DMD: variants seen among roughly 807,000 people sequenced by gnomAD.
The protein encoded by DMD is mutant dystrophin.
In DMD, 63 loss-of-function variants were observed where a neutral mutation model predicts 330.1. The observed-to-expected ratio is 0.19, with a 90% CI of 0.16 to 0.24. DMD has a LOEUF of 0.24. Among genes scored for constraint, DMD ranks in the 10% least tolerant of loss-of-function variants. The pLI is 1.00. For missense variants in DMD, 3,344 were observed against 2,684.1 expected, an observed-to-expected ratio of 1.25 and a Z score of -5.43; for synonymous variants, 1,223 against 959.8, an observed-to-expected ratio of 1.27 and a Z score of -5.07.
chrX:32,177,893 T>C (rs768875550), intron 44 of DMD, among the ~76,000 whole-genome samples: 18 of 111,116 alleles, frequency 1.6e-4, no homozygotes, highest in Non-Finnish European at 2.3e-4. Context: ...AGAGCCAGAT[T>C]ATAAATGCTT....
chrX:32,588,044 A>G (rs2054485580), intron 13 of DMD, among the ~76,000 whole-genome samples: 1 of 111,359 alleles, frequency 9.0e-6, no homozygotes, highest in African/African-American at 3.3e-5. Context: ...TAATTACCTT[A>G]CAACAAAAAG....
intron 2 of DMD, among the ~76,000 whole-genome samples, chrX:32,964,896 T>C (rs2092080459): frequency 8.9e-6 from 1 of 112,194 alleles, no homozygotes; most frequent in Non-Finnish European, 1.9e-5. Flanking sequence ...CAACACTTTC[T>C]ATACAATCAT....
intron 50 of DMD, among the ~76,000 whole-genome samples, chrX:31,818,650 C>T (rs780621481): frequency 9.1e-6 from 1 of 110,173 alleles, no homozygotes; most frequent in Non-Finnish European, 1.9e-5. Context: ...TGCATATGCG[C>T]TGAGGGAACC....
chrX:33,192,180 C>T (rs889614286), intron 1 of DMD, among the ~76,000 whole-genome samples: 4 of 112,002 alleles, frequency 3.6e-5, no homozygotes, highest in Admixed American at 1.9e-4. Flanking sequence ...ACTTCACCTT[C>T]TTTGGCCTTT....
intron 51 of DMD, among the ~76,000 whole-genome samples, chrX:31,754,885 G>T (rs1456782086): frequency 8.9e-6 from 1 of 111,829 alleles, no homozygotes. Context: ...ATTTTTAGTT[G>T]TGGGCTTTGT....
intron 45 of DMD, among the ~76,000 whole-genome samples, chrX:31,967,297 GGTGTGTGTGTGTGTGTGT>G (rs746437287): frequency 0.046 from 3,401 of 74,521 alleles, 123 homozygotes; most frequent in African/African-American, 0.11. Flanking sequence ...TTTGGCAAGG[GGTGTGTGTGTGTGTGTGT>G]GTGTGTGTGT....
chrX:31,156,679 A>G (rs372312169), intron 74 of DMD, among the ~76,000 whole-genome samples: 1 of 112,108 alleles, frequency 8.9e-6, no homozygotes, highest in East Asian at 2.8e-4. Flanking sequence ...TGTTCAATAA[A>G]TGTTGGTTAC....
rs185329159 is a variant in DMD at position 32,181,035 on chromosome X, G to T, written c.6438+35881C>A. Among the ~76,000 whole-genome samples, 59 of 111,769 alleles carry T rather than the reference G, an allele frequency of 5.3e-4. No homozygotes were observed. The Admixed American group carries it at 5.6e-3, about 11-fold the overall frequency. ...GTGTGCAATATTTTAGGAGTCTTTTGTTACTCATAATAGCTAAAGTACAGA... is the reference window on the plus strand; with the variant it reads ...GTGTGCAATATTTTAGGAGTCTTTTTTTACTCATAATAGCTAAAGTACAGA... On this transcript the variant is annotated intron_variant, in intron 44 of 78. Transcript: ENST00000357033.
chrX:32,923,436 C>G (rs2088641723), intron 2 of DMD, among the ~76,000 whole-genome samples: 2 of 109,719 alleles, frequency 1.8e-5, no homozygotes, highest in African/African-American at 3.3e-5. Context: ...TGGCACACCC[C>G]TGTAATCCCA....
At chrX:32,752,907 C>A (rs2071017677) in intron 7 of DMD, among the ~76,000 whole-genome samples, 2 of 110,912 alleles carry the variant, frequency 1.8e-5, no homozygotes, top group African/African-American at 6.6e-5. Context: ...TCCTTGCCTT[C>A]CACCATGATT....
intron 9 of DMD, among the ~76,000 whole-genome samples, chrX:32,662,284 G>A (rs1021897791): frequency 5.4e-5 from 6 of 111,072 alleles, no homozygotes; most frequent in Non-Finnish European, 7.6e-5. Flanking sequence ...ATGAAAGTAC[G>A]GCAGCTCTTC....
chrX:31,884,948 A>C (rs942780049), intron 47 of DMD, among the ~76,000 whole-genome samples: 5 of 111,579 alleles, frequency 4.5e-5, no homozygotes, highest in Admixed American at 3.8e-4. Context: ...CCACTCAGAA[A>C]GAATATTATA....
rs144015776 is a variant in DMD at position 32,337,349 on chromosome X, T to C, written c.5922+4751A>G. On this transcript the variant is annotated intron_variant, in intron 41 of 78. Coordinates refer to ENST00000357033, the MANE Select transcript of DMD (RefSeq NM_004006.3). ...TCATTTATTTTTCACTTGGCTATTG[T>C]ATGTTTGAGATGCTCATTAGGCATC... Among the ~76,000 whole-genome samples the C allele has an allele frequency of 4.1e-3, 442 of 109,017 alleles. 15 individuals carry two copies. In the East Asian group the frequency reaches 0.1, roughly 26 times the overall value. The allele number at this position is 109,017 out of a possible 115,157, so 94.7% of individuals were successfully genotyped here.
chrX:31,986,208 T>C (rs2095507781), intron 44 of DMD, among the ~76,000 whole-genome samples: 1 of 111,737 alleles, frequency 8.9e-6, no homozygotes, highest in South Asian at 3.8e-4. Context: ...GAGTTTACTA[T>C]ATTGTATTGC....
intron 44 of DMD, among the ~76,000 whole-genome samples, chrX:32,020,423 C>T (rs1966404734): frequency 1.8e-5 from 2 of 112,493 alleles, no homozygotes. Flanking sequence ...TAGGTCTCCT[C>T]AACCCCATTC....
At chrX:31,865,733 C>T (rs1331043416) in intron 48 of DMD, among the ~76,000 whole-genome samples, 3 of 104,667 alleles carry the variant, frequency 2.9e-5, no homozygotes, top group African/African-American at 1.1e-4. Context: ...GTCTAGAGTC[C>T]CAGGCTTCTT....
At chrX:31,715,909 T>C (rs1423475185) in intron 52 of DMD, among the ~76,000 whole-genome samples, 2 of 111,918 alleles carry the variant, frequency 1.8e-5, no homozygotes, top group Non-Finnish European at 3.8e-5. Context: ...GAGATGATGA[T>C]GGCAGCTTGT....
In DMD at chrX:31,219,831, T is replaced by TACACACACAC. The variant is rs1346357736; in HGVS notation, c.9361+3215_9361+3216insGTGTGTGTGT. On this transcript the variant is annotated intron_variant, in intron 64 of 78. Transcript: ENST00000357033. ...AACCCATGTTGTTCAAGGATCAATG[T>TACACACACAC]ATACACACACACACACACACACACA... 1.8e-3 allele frequency among the ~76,000 whole-genome samples: 21 copies of TACACACACAC among 11,694 alleles called. No individual in the cohort carries two copies. The Admixed American group carries it at 0.03, about 17-fold the overall frequency. 10.2% of individuals were successfully genotyped at this position (11,694 alleles called of 115,157 possible).
At chrX:32,576,424 G>T (rs2053057352) in intron 13 of DMD, among the ~76,000 whole-genome samples, 2 of 109,889 alleles carry the variant, frequency 1.8e-5, no homozygotes, top group Admixed American at 2.0e-4. Context: ...TTGGGGCCAT[G>T]ACTAAGTAAA....
Sources: gnomAD v4.1 joint callset for allele counts (sites outside exome capture counted in the v4.1 genomes callset) on GRCh38, gnomAD v4.1.1 for gene constraint, MANE v1.5 for transcripts, NCBI Gene and HGNC (gene_info 2026-07-23, HGNC 2026-07-21) for gene names.